GRK7: variants seen among roughly 807,000 people sequenced by gnomAD.
GRK7 encodes rhodopsin kinase GRK7.
Under a neutral mutation model 34.1 loss-of-function variants are expected in GRK7, and 24 were observed. That is an observed-to-expected ratio of 0.70 (90% CI 0.51 to 0.99). The LOEUF (loss-of-function observed/expected upper bound fraction) is 0.99, where lower values mean the gene tolerates loss of function less well. Among genes scored for constraint, GRK7 ranks in the 50% least tolerant of loss-of-function variants. GRK7 has a pLI of 0.00. For synonymous variants in GRK7, 256 were observed against 279.4 expected (o/e 0.92, Z 0.84); for missense variants, 644 against 707.3 (o/e 0.91, Z 1.02).
chr3:141,802,449 G>A (rs1446570052), intron 4 of GRK7, among the ~76,000 whole-genome samples: 7 of 151,660 alleles, frequency 4.6e-5, no homozygotes, highest in Admixed American at 4.6e-4. Flanking sequence ...GGATTGAGGG[G>A]CCAGCTGATA....
At chr3:141,782,483 C>T (rs1162033051) in intron 4 of GRK7, among the ~76,000 whole-genome samples, 1 of 152,164 alleles carries the variant, frequency 6.6e-6, no homozygotes, top group East Asian at 1.9e-4. Context: ...GAGATGTTCA[C>T]TAGGCATTTA....
chr3:141,794,700 C>A (rs2084741000), intron 4 of GRK7, among the ~76,000 whole-genome samples: 1 of 152,054 alleles, frequency 6.6e-6, no homozygotes, highest in African/African-American at 2.4e-5. Flanking sequence ...CTTTGTAATC[C>A]AGGTAAGAGG....
At chr3:141,755,892 CAAAGCTGCTTTTTA>C in the GRK7 span, among the ~76,000 whole-genome samples, 3 of 151,724 alleles carry the variant, frequency 2.0e-5, no homozygotes, top group Non-Finnish European at 4.4e-5. Context: ...AAACAATATT[CAAAGCTGCTTTTTA>C]AAATGTTCAT....
intron 4 of GRK7, among the ~76,000 whole-genome samples, chr3:141,789,372 C>T (rs565091635): frequency 1.3e-5 from 2 of 152,300 alleles, no homozygotes; most frequent in African/African-American, 4.8e-5. Context: ...TGCACGGGAG[C>T]CACCAGTCGC....
At chr3:141,762,117 G>A (rs1434355171), upstream of GRK7, among the ~76,000 whole-genome samples, 5 of 150,698 alleles carry the variant, frequency 3.3e-5, no homozygotes, top group East Asian at 1.9e-4. Flanking sequence ...CTCTCAACTC[G>A]TCAAAGTCAT....
intron 1 of GRK7, among the ~76,000 whole-genome samples, chr3:141,769,220 C>A (rs1392772747): frequency 6.6e-6 from 1 of 152,176 alleles, no homozygotes; most frequent in Non-Finnish European, 1.5e-5. Context: ...TGGTGAATGA[C>A]ATAACCATCC....
chr3:141,750,394 G>A, the GRK7 span, among the ~76,000 whole-genome samples: 3 of 152,206 alleles, frequency 2.0e-5, no homozygotes, highest in Non-Finnish European at 4.4e-5. Context: ...CATAGTCAGC[G>A]CAGCTTGAAA....
chr3:141,772,043 G>C (rs2084619493), intron 1 of GRK7, among the ~76,000 whole-genome samples: 2 of 151,962 alleles, frequency 1.3e-5, no homozygotes, highest in Non-Finnish European at 2.9e-5. Context: ...TCAACAACTT[G>C]AAGCTAAAGA....
chr3:141,775,654 T>C (rs545004434), intron 2 of GRK7, among the ~76,000 whole-genome samples: 21 of 152,250 alleles, frequency 1.4e-4, no homozygotes, highest in African/African-American at 4.6e-4. Context: ...AACCAGATTC[T>C]GCGAACTCAG....
At chr3:141,797,493 A>C (rs1231853613) in intron 4 of GRK7, among the ~76,000 whole-genome samples, 1 of 152,238 alleles carries the variant, frequency 6.6e-6, no homozygotes, top group Non-Finnish European at 1.5e-5. Flanking sequence ...GGAAGGAGAG[A>C]GCCCCAGGAA....
chr3:141,763,237 T>C (rs571330493), upstream of GRK7, among the ~76,000 whole-genome samples: 2 of 152,328 alleles, frequency 1.3e-5, no homozygotes, highest in African/African-American at 4.8e-5. Context: ...CCTGAAGCCA[T>C]AGTGCTGTGT....
At chr3:141,787,363 C>A (rs1304185725) in intron 4 of GRK7, among the ~76,000 whole-genome samples, 2 of 152,086 alleles carry the variant, frequency 1.3e-5, no homozygotes, top group Non-Finnish European at 2.9e-5. Flanking sequence ...ATGGCTGATG[C>A]CTATAATCCC....
At chr3:141,775,174 C>A (rs1028736338) in intron 2 of GRK7, among the ~76,000 whole-genome samples, 1 of 152,000 alleles carries the variant, frequency 6.6e-6, no homozygotes, top group Non-Finnish European at 1.5e-5. Flanking sequence ...CCAAGGAGGG[C>A]GGATCACTTG....
chr3:141,759,024 G>A (rs1441723732), upstream of GRK7, among the ~76,000 whole-genome samples: 5 of 136,396 alleles, frequency 3.7e-5, no homozygotes, highest in Non-Finnish European at 6.3e-5. Context: ...AGACTTTGCT[G>A]AAGTTGCTTA....
intron 5 of GRK7, among the ~76,000 whole-genome samples, chr3:141,813,181 A>G (rs2107897056): frequency 6.6e-6 from 1 of 152,350 alleles, no homozygotes; most frequent in Middle Eastern, 3.4e-3. Context: ...GCTGGACTGC[A>G]ATGGCCCGAT....
chr3:141,812,289 C>T (rs771338078), intron 5 of GRK7, among the ~76,000 whole-genome samples: 1 of 152,250 alleles, frequency 6.6e-6, no homozygotes, highest in Non-Finnish European at 1.5e-5. Context: ...ACAAAAGATA[C>T]TGCCTCCAGC....
chr3:141,752,207 TTTC>T, the GRK7 span, among the ~76,000 whole-genome samples: 1 of 152,244 alleles, frequency 6.6e-6, no homozygotes, highest in Non-Finnish European at 1.5e-5. Flanking sequence ...TTTGTAAGAA[TTTC>T]TTAAGTTTGC....
intron 1 of GRK7, among the ~76,000 whole-genome samples, chr3:141,767,403 GTT>G (rs199735122): frequency 1.4e-5 from 2 of 144,028 alleles, no homozygotes. Context: ...TTTGTTTTTT[GTT>G]TTTTTTTTTT....
intron 2 of GRK7, among the ~76,000 whole-genome samples, chr3:141,777,469 C>G: frequency 7.1e-6 from 1 of 141,414 alleles, no homozygotes. Context: ...GGACTACAGG[C>G]GCCCGCCATC....
Sources: gnomAD v4.1 joint callset for allele counts (sites outside exome capture counted in the v4.1 genomes callset) on GRCh38, gnomAD v4.1.1 for gene constraint, MANE v1.5 for transcripts, NCBI Gene and HGNC (gene_info 2026-07-23, HGNC 2026-07-21) for gene names.